DAP: variants seen among roughly 807,000 people sequenced by gnomAD.
DAP encodes the protein death-associated protein 1.
A neutral mutation model predicts 13.8 loss-of-function variants in DAP; 8 were observed. That is an observed-to-expected ratio of 0.58 (90% CI 0.34 to 1.05). The LOEUF (loss-of-function observed/expected upper bound fraction) is 1.05, where lower values mean the gene tolerates loss of function less well. Ranked by LOEUF, DAP falls within the 50% of genes least tolerant of loss-of-function variation. The pLI is 0.03. For missense variants in DAP, 106 were observed against 133.2 expected (o/e 0.80, Z 1.01); for synonymous variants, 47 against 47.5 (o/e 0.99, Z 0.04).
At chr5:10,760,955 C>T (rs1440395743) in intron 1 of DAP, 59 bp downstream of exon 1, 7 of 1,121,970 alleles carry the variant, frequency 6.2e-6, no homozygotes, top group Non-Finnish European at 7.8e-6. Flanking sequence ...GCCCGGCGCC[C>T]CCGGGTTCGA....
At chr5:10,688,365 G>C (rs1448553415) in intron 2 of DAP, among the ~76,000 whole-genome samples, 1 of 152,128 alleles carries the variant, frequency 6.6e-6, no homozygotes, top group African/African-American at 2.4e-5. Context: ...TTAGCATACA[G>C]AATTTTTAAA....
chr5:10,727,692 G>A (rs1257463573), intron 2 of DAP, among the ~76,000 whole-genome samples: 1 of 152,186 alleles, frequency 6.6e-6, no homozygotes, highest in Non-Finnish European at 1.5e-5. Flanking sequence ...TGTGCTGTAT[G>A]TAGGCAATCT....
intron 2 of DAP, among the ~76,000 whole-genome samples, chr5:10,711,996 G>T (rs1422467901): frequency 6.6e-6 from 1 of 152,144 alleles, no homozygotes; most frequent in African/African-American, 2.4e-5. Flanking sequence ...ACATTCCTAT[G>T]TTGAAGTCCT....
At chr5:10,726,228 G>C (rs573114053) in intron 2 of DAP, among the ~76,000 whole-genome samples, 1 of 152,228 alleles carries the variant, frequency 6.6e-6, no homozygotes, top group Admixed American at 6.5e-5. Flanking sequence ...CAATTAGGAA[G>C]TTATCATTAC....
At chr5:10,708,727 G>T (rs1354634750) in intron 2 of DAP, among the ~76,000 whole-genome samples, 2 of 152,194 alleles carry the variant, frequency 1.3e-5, no homozygotes, top group African/African-American at 4.8e-5. Flanking sequence ...TGTGCAGGTG[G>T]ACTCCTACAC....
At chr5:10,688,332 C>G (rs1738207936) in intron 2 of DAP, among the ~76,000 whole-genome samples, 1 of 152,174 alleles carries the variant, frequency 6.6e-6, no homozygotes, top group African/African-American at 2.4e-5. Context: ...AAGACTGAGC[C>G]TCACTGAAGG....
Position 10,680,433 on chromosome 5 carries a change from T to G in DAP, c.*623A>C. ...GAGCTACCTGTCTCCAGCCTCATTC[T>G]TTGGCATGTTGACTCCTGGAATTGA... On this transcript the variant is annotated 3_prime_UTR_variant, in exon 4 of 4. Coordinates refer to ENST00000230895, the MANE Select transcript of DAP (RefSeq NM_004394.3). 1 of 423,136 alleles carries G rather than the reference T, an allele frequency of 2.4e-6. No individual in the cohort carries two copies. Among genetic ancestry groups the G allele is most frequent in the Admixed American group, 4.1e-5 (1 of 24,210 alleles). 26.2% of individuals were successfully genotyped at this position (423,136 alleles called of 1,614,324 possible).
chr5:10,742,805 G>A (rs1230783249), intron 2 of DAP, among the ~76,000 whole-genome samples: 3 of 152,158 alleles, frequency 2.0e-5, no homozygotes, highest in Admixed American at 6.5e-5. Flanking sequence ...GATGCTTATG[G>A]CTGCATGGGC....
intron 2 of DAP, among the ~76,000 whole-genome samples, chr5:10,724,719 G>T (rs1739240746): frequency 6.6e-6 from 1 of 152,232 alleles, no homozygotes; most frequent in Non-Finnish European, 1.5e-5. Flanking sequence ...AGCCTAGGTG[G>T]GGTCAAACTA....
At chr5:10,733,063 G>C (rs189735833) in intron 2 of DAP, among the ~76,000 whole-genome samples, 9 of 152,080 alleles carry the variant, frequency 5.9e-5, no homozygotes, top group African/African-American at 2.2e-4. Flanking sequence ...TTTGGTAGCT[G>C]GTTTCTTTCA....
intron 2 of DAP, among the ~76,000 whole-genome samples, chr5:10,744,280 A>C (rs897974215): frequency 3.3e-5 from 5 of 152,234 alleles, no homozygotes; most frequent in Non-Finnish European, 7.3e-5. Flanking sequence ...ACTGGGATCA[A>C]AATTAAAGAA....
chr5:10,712,460 G>C (rs1235255532), intron 2 of DAP, among the ~76,000 whole-genome samples: 1 of 152,186 alleles, frequency 6.6e-6, no homozygotes, highest in Non-Finnish European at 1.5e-5. Flanking sequence ...GCACAATTCA[G>C]GGTATGGAGG....
intron 2 of DAP, among the ~76,000 whole-genome samples, chr5:10,718,066 C>A (rs1739038829): frequency 2.0e-5 from 3 of 152,162 alleles, no homozygotes; most frequent in Admixed American, 2.0e-4. Context: ...ATTTATGCAA[C>A]AAATCTTTCT....
intron 1 of DAP, among the ~76,000 whole-genome samples, chr5:10,751,873 A>G (rs1449042169): frequency 6.6e-6 from 1 of 152,214 alleles, no homozygotes; most frequent in Non-Finnish European, 1.5e-5. Context: ...CAGCCTCCCA[A>G]GCTGGGAGAA....
chr5:10,737,232 G>A (rs1361853064), intron 2 of DAP, among the ~76,000 whole-genome samples: 1 of 151,910 alleles, frequency 6.6e-6, no homozygotes, highest in Non-Finnish European at 1.5e-5. Context: ...TGTAATCCCA[G>A]CTACTCGGGA....
chr5:10,723,610 C>G (rs1046486231), intron 2 of DAP, among the ~76,000 whole-genome samples: 2 of 152,208 alleles, frequency 1.3e-5, no homozygotes, highest in African/African-American at 4.8e-5. Context: ...CAAAACAATT[C>G]TTGAGCATTT....
chr5:10,679,650 G>A lies in DAP; in HGVS notation c.*1406C>T, dbSNP rs1737930586. 6.6e-6 allele frequency: 1 copy of A among 152,376 alleles called. No individual in the cohort carries two copies. Among genetic ancestry groups the A allele is most frequent in the South Asian group, 2.1e-4 (1 of 4,834 alleles). 9.4% of individuals were successfully genotyped at this position (152,376 alleles called of 1,614,324 possible). On this transcript the variant is annotated 3_prime_UTR_variant, in exon 4 of 4. Coordinates refer to ENST00000230895, the MANE Select transcript of DAP (RefSeq NM_004394.3). Reference sequence around the variant, plus strand: ...AATAGGTGGTGACAGGGCCTTGAAGGGTACATGCCGGCTTCCCTTAAGTTG... The same window carrying A: ...AATAGGTGGTGACAGGGCCTTGAAGAGTACATGCCGGCTTCCCTTAAGTTG...
At chr5:10,725,020 T>C (rs1338038545) in intron 2 of DAP, among the ~76,000 whole-genome samples, 1 of 152,204 alleles carries the variant, frequency 6.6e-6, no homozygotes, top group Non-Finnish European at 1.5e-5. Context: ...GGGCTTGGCC[T>C]CGCTAAGGCT....
At chr5:10,740,141 G>C (rs1739720252) in intron 2 of DAP, among the ~76,000 whole-genome samples, 1 of 152,158 alleles carries the variant, frequency 6.6e-6, no homozygotes, top group Non-Finnish European at 1.5e-5. Context: ...AAGTGGAAAT[G>C]AAAAACAGGA....
Sources: gnomAD v4.1 joint callset for allele counts (sites outside exome capture counted in the v4.1 genomes callset) on GRCh38, gnomAD v4.1.1 for gene constraint, MANE v1.5 for transcripts, NCBI Gene and HGNC (gene_info 2026-07-23, HGNC 2026-07-21) for gene names.